The following CCSER1 variants were observed in gnomAD, a reference collection of about 807,000 sequenced individuals.
The protein encoded by CCSER1 is serine-rich coiled-coil domain-containing protein 1.
In CCSER1, 41 loss-of-function variants were observed where a neutral mutation model predicts 82.0. That is an observed-to-expected ratio of 0.50 (90% CI 0.39 to 0.65). CCSER1 has a LOEUF of 0.65. CCSER1 is among the 30% of genes least tolerant of loss of function. The probability of loss-of-function intolerance (pLI) is 0.00; values close to 1 mark genes in which losing one functional copy is unlikely to be tolerated. For synonymous variants in CCSER1, 414 were observed against 383.9 expected, an observed-to-expected ratio of 1.08 and a Z score of -0.92; for missense variants, 1,119 against 1,064.2, an observed-to-expected ratio of 1.05 and a Z score of -0.72.
chr4:90,765,941 A>T (rs965964712), intron 7 of CCSER1, among the ~76,000 whole-genome samples: 13 of 152,094 alleles, frequency 8.5e-5, no homozygotes, highest in Non-Finnish European at 1.3e-4. Flanking sequence ...CTGTTTGAGA[A>T]TTTTTAAGAA....
chr4:90,515,146 G>A lies in CCSER1; in HGVS notation c.1724+46792G>A, dbSNP rs140072405. ...GCTGGGATTACAGGCCTGAGCCACC[G>A]CAACCGGCCACATAGTTAATTTCCA... On this transcript the variant is annotated intron_variant, in intron 5 of 10. Transcript: ENST00000509176. Among the ~76,000 whole-genome samples the A allele has an allele frequency of 7.1e-3, 1,079 of 152,226 alleles. 6 individuals are homozygous for A. Among genetic ancestry groups the A allele is most frequent in the South Asian group, 0.017 (84 of 4,810 alleles).
At chr4:91,155,108 G>C (rs1334890390) in intron 10 of CCSER1, among the ~76,000 whole-genome samples, 1 of 151,680 alleles carries the variant, frequency 6.6e-6, no homozygotes, top group Non-Finnish European at 1.5e-5. Context: ...TAATGATTTT[G>C]AGATGCCTAT....
chr4:90,842,027 GT>G (rs33944172), intron 8 of CCSER1, among the ~76,000 whole-genome samples: 84,210 of 149,980 alleles, frequency 0.56, 23,945 homozygotes, highest in Non-Finnish European at 0.63. Flanking sequence ...TGATTTCTCT[GT>G]TTTTTTTTTC....
At chr4:90,490,579 T>G (rs904497100) in intron 5 of CCSER1, among the ~76,000 whole-genome samples, 70 of 152,138 alleles carry the variant, frequency 4.6e-4, no homozygotes, top group Non-Finnish European at 9.4e-4. Flanking sequence ...TTGGTGTTTA[T>G]ACATGAAGTC....
intron 9 of CCSER1, among the ~76,000 whole-genome samples, chr4:90,996,250 A>G (rs907430975): frequency 2.0e-5 from 3 of 152,072 alleles, no homozygotes; most frequent in Non-Finnish European, 4.4e-5. Flanking sequence ...CTCTATAATG[A>G]ATGGTATTTT....
At chr4:90,683,789 T>TA (rs1051182467) in intron 6 of CCSER1, among the ~76,000 whole-genome samples, 22 of 151,430 alleles carry the variant, frequency 1.5e-4, no homozygotes, top group East Asian at 5.8e-4. Context: ...TTGCTAAATT[T>TA]AAAAAAAAAG....
intron 10 of CCSER1, among the ~76,000 whole-genome samples, chr4:91,378,474 T>G (rs1263210719): frequency 6.6e-6 from 1 of 152,242 alleles, no homozygotes; most frequent in East Asian, 1.9e-4. Context: ...ACATTCCTTG[T>G]AAGTTGGATT....
chr4:91,484,861 A>T (rs1330477215), intron 10 of CCSER1, among the ~76,000 whole-genome samples: 1 of 151,990 alleles, frequency 6.6e-6, no homozygotes, highest in African/African-American at 2.4e-5. Context: ...CTTGTCAACC[A>T]CTCTTACCTA....
chr4:91,439,384 C>A (rs1017426752), intron 10 of CCSER1, among the ~76,000 whole-genome samples: 40 of 152,014 alleles, frequency 2.6e-4, no homozygotes, highest in Non-Finnish European at 4.3e-4. Flanking sequence ...CCAAACTAAG[C>A]TTCATAAGTG....
chr4:90,569,140 G>A (rs2153652916), intron 5 of CCSER1, among the ~76,000 whole-genome samples: 1 of 151,890 alleles, frequency 6.6e-6, no homozygotes, highest in Non-Finnish European at 1.5e-5. Context: ...ATAGGATTTT[G>A]CTTTGTAGTT....
At chr4:90,141,337 G>A (rs1402371404) in intron 1 of CCSER1, among the ~76,000 whole-genome samples, 1 of 152,126 alleles carries the variant, frequency 6.6e-6, no homozygotes, top group Non-Finnish European at 1.5e-5. Context: ...AACATCCGGA[G>A]CAATGTTTTA....
chr4:90,961,844 G>C (rs1561422773), intron 9 of CCSER1, among the ~76,000 whole-genome samples: 1 of 151,936 alleles, frequency 6.6e-6, no homozygotes, highest in Non-Finnish European at 1.5e-5. Flanking sequence ...TTTCTGATCT[G>C]AAAGTTGACA....
chr4:90,899,147 A>G (rs1724221782), intron 8 of CCSER1, among the ~76,000 whole-genome samples: 1 of 152,190 alleles, frequency 6.6e-6, no homozygotes, highest in Middle Eastern at 3.4e-3. Flanking sequence ...TTCTTGTTGT[A>G]GAGATGCTTC....
At chr4:90,414,337 A>G (rs1755472546) in intron 4 of CCSER1, among the ~76,000 whole-genome samples, 1 of 151,864 alleles carries the variant, frequency 6.6e-6, no homozygotes, top group Non-Finnish European at 1.5e-5. Flanking sequence ...TGAGTTTCTG[A>G]AAAATGTTTT....
intron 6 of CCSER1, among the ~76,000 whole-genome samples, chr4:90,719,699 A>C (rs1312765867): frequency 6.6e-6 from 1 of 152,112 alleles, no homozygotes; most frequent in Admixed American, 6.5e-5. Flanking sequence ...AAGACCATAG[A>C]TGTGAAGGAT....
At chr4:90,436,147 A>T (rs932716998) in intron 4 of CCSER1, among the ~76,000 whole-genome samples, 2 of 152,168 alleles carry the variant, frequency 1.3e-5, no homozygotes, top group African/African-American at 4.8e-5. Context: ...AGAAAAAATA[A>T]TAGCAATCTT....
chr4:90,212,945 G>A (rs1372771002), intron 1 of CCSER1, among the ~76,000 whole-genome samples: 1 of 152,172 alleles, frequency 6.6e-6, no homozygotes, highest in East Asian at 1.9e-4. Flanking sequence ...GTAGCAGAGT[G>A]GTTAAGAGGG....
At chr4:91,133,567 T>C (rs1313816954) in intron 10 of CCSER1, among the ~76,000 whole-genome samples, 1 of 152,168 alleles carries the variant, frequency 6.6e-6, no homozygotes, top group African/African-American at 2.4e-5. Context: ...TGATTTTTGA[T>C]AGATGATAGG....
chr4:91,036,907 G>A (rs998144466), intron 9 of CCSER1, among the ~76,000 whole-genome samples: 3 of 151,652 alleles, frequency 2.0e-5, no homozygotes, highest in Non-Finnish European at 2.9e-5. Flanking sequence ...GGTGAAACCC[G>A]TGTCTACTAA....
Sources: allele counts gnomAD v4.1 joint callset (sites outside exome capture counted in the v4.1 genomes callset), GRCh38; gene constraint gnomAD v4.1.1; transcripts MANE v1.5; gene names NCBI Gene and HGNC (gene_info 2026-07-23, HGNC 2026-07-21).